Variants in CC2D1B observed in about 807,000 individuals in gnomAD.
The protein encoded by CC2D1B is coiled-coil and C2 domain containing 1B.
In CC2D1B, 92 loss-of-function variants were observed where a neutral mutation model predicts 110.8. That is an observed-to-expected ratio of 0.83 (90% CI 0.70 to 0.99). CC2D1B has a LOEUF of 0.99. Ranked by LOEUF, CC2D1B falls within the 50% of genes least tolerant of loss-of-function variation. The pLI is 0.00. For missense variants in CC2D1B, 1,136 were observed against 1,089.0 expected, an observed-to-expected ratio of 1.04 and a Z score of -0.61; for synonymous variants, 406 against 429.2, an observed-to-expected ratio of 0.95 and a Z score of 0.67.
Position 52,354,911 on chromosome 1 carries a change from G to C in CC2D1B, c.2268C>G (p.Ile756Met). ...TCTTGAAGCCCCGGTGGTTTCGGTTGATGTTTAGTTTGAAGAGTTGATCAA... is the reference window on the plus strand; with the variant it reads ...TCTTGAAGCCCCGGTGGTTTCGGTTCATGTTTAGTTTGAAGAGTTGATCAA... The part of the protein sequence containing the change: ...PEFDQLFKLN[I>M]NRNHRGFKRV... The change falls in exon 22 of 25, where the codon ATC becomes ATG. Residue 756 changes from isoleucine to methionine, a missense_variant. Ile to Met is a conservative substitution (Grantham distance 10). Transcript: ENST00000284376. 1 of 1,614,128 alleles carries C rather than the reference G, an allele frequency of 6.2e-7. No individual in the cohort carries two copies.
intron 4 of CC2D1B, 72 bp from the exon 5 acceptor site, chr1:52,361,204 A>C (rs1646775665): frequency 6.4e-7 from 1 of 1,553,830 alleles, no homozygotes; most frequent in South Asian, 1.1e-5. Context: ...CTGAGAGTAA[A>C]GGACCCTCTC....
Position 52,357,052 on chromosome 1 carries a change from C to G in CC2D1B, c.1827G>C (p.Lys609Asn), listed in dbSNP as rs777924363. ...IHHEDLRLSQ[K>N]AEEVYAQLQK... is the part of the protein sequence containing the mutation. ...GCAGCTGGGCATACACCTCCTCCGC[C>G]TTCTGGGAGAGTCGCAGGTCCTCAT... The change falls in exon 16 of 25, where the codon AAG becomes AAC. Residue 609 changes from lysine (K) to asparagine (N), a missense_variant. Coordinates refer to ENST00000284376, the MANE Select transcript of CC2D1B (RefSeq NM_001330585.2). The G allele has an allele frequency of 1.8e-5, 29 of 1,603,850 alleles. No individual in the cohort carries two copies. In the African/African-American group the frequency reaches 2.3e-4, roughly 13 times the overall value.
chr1:52,358,119 G>A, intron 13 of CC2D1B: 1 of 883,032 alleles, frequency 1.1e-6, no homozygotes, highest in South Asian at 1.9e-5. Flanking sequence ...GGGTAATGGG[G>A]ATGGAGCCGG....
intron 3 of CC2D1B, 120 bp from the exon 4 acceptor site, chr1:52,361,736 A>C: frequency 8.2e-7 from 1 of 1,220,228 alleles, no homozygotes; most frequent in Non-Finnish European, 1.2e-6. Context: ...GCAGAGTCCC[A>C]CCTGGAAAAC....
intron 11 of CC2D1B, 59 bp from the exon 12 acceptor site, chr1:52,358,817 A>G: frequency 6.5e-7 from 1 of 1,527,450 alleles, no homozygotes; most frequent in East Asian, 2.3e-5. Context: ...CCCCCTGCCC[A>G]ACATGACACA....
intron 4 of CC2D1B, 21 bp from the exon 5 acceptor site, chr1:52,361,153 C>G (rs1249600991): frequency 1.2e-6 from 2 of 1,613,732 alleles, no homozygotes; most frequent in East Asian, 4.5e-5. Flanking sequence ...AAAACACAGC[C>G]CAGGAGCTTG....
Position 52,358,683 on chromosome 1 carries a change from T to C in CC2D1B, c.1330+3A>G. ...CAGAGCCCCTAGGCCATGCCCCACT[T>C]ACCTGGAGGAACAGGCAATTCAGCA... On this transcript the variant is annotated splice_donor_region_variant and intron_variant, in intron 12 of 24. Transcript: ENST00000284376. 1 of 1,613,076 alleles carries C rather than the reference T, an allele frequency of 6.2e-7. No individual in the cohort carries two copies. The highest frequency in any genetic ancestry group is 8.5e-7 in the Non-Finnish European group (1 of 1,179,650).
At position 52,350,737 on chromosome 1, in the gene CC2D1B, T is replaced by C. The variant is rs1296205185; in HGVS notation, c.*2488A>G. 1 of 152,160 alleles carries C rather than the reference T, an allele frequency of 6.6e-6. No homozygotes were observed. Among genetic ancestry groups the C allele is most frequent in the Non-Finnish European group, 1.5e-5 (1 of 68,034 alleles). The allele number at this position is 152,160 out of a possible 1,614,324, so 9.4% of individuals were successfully genotyped here. On this transcript the variant is annotated 3_prime_UTR_variant, in exon 25 of 25. Coordinates refer to ENST00000284376, the MANE Select transcript of CC2D1B (RefSeq NM_001330585.2). ...GCAGGTGAGTCACTAATCTCCAATG[T>C]TTGGATACTGTATTTGTGTTTGTTT... is the stretch of plus-strand genomic sequence containing the variant.
At position 52,357,624 on chromosome 1, in the gene CC2D1B, G is replaced by A. The variant is rs1646682486; in HGVS notation, c.1654C>T (p.Gln552Ter). The A allele has an allele frequency of 5.0e-6, 8 of 1,592,234 alleles. No homozygotes were observed. The highest frequency in any genetic ancestry group is 1.8e-5 in the Admixed American group (1 of 56,490). Reference protein sequence around the residue: ...QRAALQAKRSQDLEQAKAYLR... With the variant: ...QRAALQAKRS The stretch of plus-strand genomic sequence containing the variant: ...TAGGCTTTGGCCTGCTCCAGGTCCT[G>A]GCTGCGCTTGGCCTGCAGGGCTGCC... Residue 552 changes from glutamine (Q) to a stop codon, truncating the protein, a stop_gained, in exon 15 of 25, where the codon CAG becomes TAG. Transcript: ENST00000284376. LOFTEE classifies it high-confidence loss of function.
Position 52,353,577 on chromosome 1 carries a change from C to T in CC2D1B, c.2501G>A (p.Gly834Asp). 1 of 1,614,044 alleles carries T rather than the reference C, an allele frequency of 6.2e-7. No homozygotes were observed. Among genetic ancestry groups the T allele is most frequent in the African/African-American group, 1.3e-5 (1 of 75,044 alleles). ...CTCAGTGACCATCTGCACATCCTGG[C>T]CACTCAGAGGCTCCCGCAGCCTCAC... ...VKVRLREPLSGQDVQMVTENW... is the reference protein window; with the variant it reads ...VKVRLREPLSDQDVQMVTENW... Residue 834 changes from glycine to aspartate, a missense_variant, in exon 24 of 25, where the codon GGC (glycine) becomes GAC (aspartate). Coordinates refer to ENST00000284376, the MANE Select transcript of CC2D1B (RefSeq NM_001330585.2).
chr1:52,361,712 T>A, intron 3 of CC2D1B, 96 bp from the exon 4 acceptor site: 1 of 1,466,208 alleles, frequency 6.8e-7, no homozygotes, highest in Non-Finnish European at 9.4e-7. Context: ...CAGAAATCCC[T>A]CTTCCCTCCC....
intron 2 of CC2D1B, among the ~76,000 whole-genome samples, chr1:52,363,099 A>T (rs1481043344): frequency 6.6e-6 from 1 of 152,246 alleles, no homozygotes; most frequent in Non-Finnish European, 1.5e-5. Context: ...TCTGAGAAGA[A>T]GGTCCTATTT....
At position 52,361,060 on chromosome 1, in the gene CC2D1B, C is replaced by T; in HGVS notation, c.391G>A (p.Gly131Ser). 6.2e-7 allele frequency: 1 copy of T among 1,614,098 alleles called. No homozygotes were observed. The highest frequency in any genetic ancestry group is 2.2e-5 in the East Asian group (1 of 44,868). The change falls in exon 5 of 25, where the codon GGC becomes AGC. Residue 131 changes from glycine (G) to serine (S), a missense_variant. Transcript: ENST00000284376. ...AGGCCGTTCTCCTCCTCAGAGCCGC[C>T]TGGGTCAGCTACCTCATCACCATCC... Reference protein sequence around the residue: ...PLDGDEVADPGGSEEENGLED... With the variant: ...PLDGDEVADPSGSEEENGLED...
chr1:52,365,918 G>A (rs902252140), intron 1 of CC2D1B, among the ~76,000 whole-genome samples, 151 bp downstream of exon 1: 2 of 152,196 alleles, frequency 1.3e-5, no homozygotes, highest in African/African-American at 4.8e-5. Context: ...CAGGCCTCAC[G>A]GAAGGTGGGC....
chr1:52,363,530 G>A (rs1646827488), intron 2 of CC2D1B, among the ~76,000 whole-genome samples: 3 of 151,804 alleles, frequency 2.0e-5, no homozygotes, highest in South Asian at 2.1e-4. Context: ...TGCTACCATC[G>A]CCATCATCCA....
chr1:52,356,279 C>T lies in CC2D1B; in HGVS notation c.1961G>A (p.Arg654His), dbSNP rs759148224. The T allele has an allele frequency of 1.3e-5, 21 of 1,614,060 alleles. No individual in the cohort carries two copies. The highest frequency in any genetic ancestry group is 2.2e-5 in the South Asian group (2 of 91,092). Residue 654 changes from arginine (R) to histidine (H), a missense_variant, in exon 18 of 25, where the codon CGC becomes CAC. Arg to His is a conservative substitution (Grantham distance 29, BLOSUM62 0). Coordinates refer to ENST00000284376, the MANE Select transcript of CC2D1B (RefSeq NM_001330585.2). ...TTRFEKLAQDRKKQLEILQLA... is the reference protein window; with the variant it reads ...TTRFEKLAQDHKKQLEILQLA... ...CTGCAGGATCTCCAGCTGTTTCTTG[C>T]GGTCCTGAGCAAGCTTCTCAAATCT... is the stretch of plus-strand genomic sequence containing the variant.
chr1:52,356,684 T>TCAAA lies in CC2D1B; in HGVS notation c.1879-246_1879-243dup, dbSNP rs1646660121. 6.6e-6 allele frequency: 4 copies of TCAAA among 605,676 alleles called. No individual in the cohort carries two copies. In the South Asian group the frequency reaches 8.3e-5, roughly 13 times the overall value. 37.5% of individuals were successfully genotyped at this position (605,676 alleles called of 1,614,324 possible). On this transcript the variant is annotated intron_variant, in intron 16 of 24. Transcript: ENST00000284376. ...GCAACTCCTTCCATCAAAACCTAAC[T>TCAAA]CAAACATCCCCTCAGAAGGCAGCCT...
intron 16 of CC2D1B, 109 bp from the exon 17 acceptor site, chr1:52,356,551 C>G: frequency 8.7e-7 from 1 of 1,148,860 alleles, no homozygotes; most frequent in Non-Finnish European, 1.3e-6. Context: ...AGCCTCACCT[C>G]TCTCCTCCCA....
rs757681288 is a variant in CC2D1B at position 52,356,240 on chromosome 1, T to C, written c.2000A>G (p.Gln667Arg). The C allele has an allele frequency of 1.2e-6, 2 of 1,614,186 alleles. No individual in the cohort carries two copies. The highest frequency in any genetic ancestry group is 1.6e-4 in the Middle Eastern group (1 of 6,062). The change falls in exon 18 of 25, where the codon CAG (glutamine) becomes CGG (arginine). Residue 667 changes from glutamine (Q) to arginine (R), a missense_variant. Gln to Arg is a conservative substitution (Grantham distance 43, BLOSUM62 1). Coordinates refer to ENST00000284376, the MANE Select transcript of CC2D1B (RefSeq NM_001330585.2). ...QLEILQLAQA[Q>R]GLDPPTHHFE... is the part of the protein sequence containing the mutation. Reference sequence around the variant, plus strand: ...GTGGTGGGTGGGAGGGTCGAGGCCCTGAGCCTGGGCCAGCTGCAGGATCTC... The same window carrying C: ...GTGGTGGGTGGGAGGGTCGAGGCCCCGAGCCTGGGCCAGCTGCAGGATCTC...
Sources: gnomAD v4.1 joint callset for allele counts (sites outside exome capture counted in the v4.1 genomes callset) on GRCh38, gnomAD v4.1.1 for gene constraint, MANE v1.5 for transcripts, NCBI Gene and HGNC (gene_info 2026-07-23, HGNC 2026-07-21) for gene names.